Variants in FBN3 observed in about 807,000 individuals in gnomAD.
FBN3 encodes the protein fibrillin-3.
Under a neutral mutation model 330.1 loss-of-function variants are expected in FBN3, and 234 were observed. That is an observed-to-expected ratio of 0.71 (90% CI 0.64 to 0.79). The LOEUF (loss-of-function observed/expected upper bound fraction) is 0.79, where lower values mean the gene tolerates loss of function less well. Among genes scored for constraint, FBN3 ranks in the 30% least tolerant of loss-of-function variants. FBN3 has a pLI of 0.00. For missense variants in FBN3, 3,606 were observed against 3,886.9 expected (o/e 0.93, Z 1.92); for synonymous variants, 1,458 against 1,517.3 (o/e 0.96, Z 0.91).
At position 8,131,972 on chromosome 19, in the gene FBN3, G is replaced by A; in HGVS notation, c.1715-143C>T. 1.1e-6 allele frequency: 1 copy of A among 951,476 alleles called. No individual in the cohort carries two copies. Among genetic ancestry groups the A allele is most frequent in the Non-Finnish European group, 1.5e-6 (1 of 669,158 alleles). The allele number at this position is 951,476 out of a possible 1,614,324, so 58.9% of individuals were successfully genotyped here. A position where few individuals can be genotyped will look rare whatever the true frequency, so the allele number is the denominator to read the frequency against. On this transcript the variant is annotated intron_variant, in intron 14 of 63. Coordinates refer to ENST00000600128, the MANE Select transcript of FBN3 (RefSeq NM_032447.5). The surrounding 1 kb of genome is among the most constrained non-coding windows in gnomAD (Gnocchi z 4.5). Reference sequence around the variant, plus strand: ...TTGTCTTTCCAGTTTCCTGTTGTCTGTGTCTCTGTCCTCTCCTCCTCTTGT... The same window carrying A: ...TTGTCTTTCCAGTTTCCTGTTGTCTATGTCTCTGTCCTCTCCTCCTCTTGT...
At chr19:8,107,562 T>C (rs549962025) in intron 37 of FBN3, among the ~76,000 whole-genome samples, 2 of 141,614 alleles carry the variant, frequency 1.4e-5, no homozygotes, top group African/African-American at 5.3e-5. Flanking sequence ...GGTGGAAGGA[T>C]GGATGGATGG....
chr19:8,070,882 C>T (rs148916937), intron 63 of FBN3, among the ~76,000 whole-genome samples: 1,582 of 152,070 alleles, frequency 0.01, 12 homozygotes, highest in Non-Finnish European at 0.018. Flanking sequence ...ATTAGCTGGG[C>T]GTGGTGGTGC....
Position 8,129,056 on chromosome 19 carries a change from G to C in FBN3, c.2268C>G (p.His756Gln), listed in dbSNP as rs747625288. The change falls in exon 18 of 64, where the codon CAC becomes CAG. Residue 756 changes from histidine to glutamine, a missense_variant. By Grantham distance (24) the His-to-Gln change is conservative. Transcript: ENST00000600128. The surrounding 1 kb of genome is among the most constrained non-coding windows in gnomAD (Gnocchi z 4.5). ...SYSCSCPPGF[H>Q]FWQDTEICKD... is the part of the protein sequence containing the mutation. Reference sequence around the variant, plus strand: ...TGCAGATCTCCGTGTCCTGCCAGAAGTGGAAGCCGGGGGGGCAGGAGCAGC... The same window carrying C: ...TGCAGATCTCCGTGTCCTGCCAGAACTGGAAGCCGGGGGGGCAGGAGCAGC... The C allele has an allele frequency of 1.2e-6, 2 of 1,613,460 alleles. No individual in the cohort carries two copies. The highest frequency in any genetic ancestry group is 2.2e-5 in the South Asian group (2 of 90,968).
intron 25 of FBN3, among the ~76,000 whole-genome samples, chr19:8,119,545 G>A (rs915279878): frequency 2.6e-5 from 4 of 151,870 alleles, no homozygotes; most frequent in East Asian, 1.9e-4. Context: ...ATGGAGTCTC[G>A]CTCTGTTGCC....
intron 59 of FBN3, 129 bp downstream of exon 59, chr19:8,080,874 A>G: frequency 1.5e-6 from 1 of 658,596 alleles, no homozygotes; most frequent in Non-Finnish European, 2.7e-6. Context: ...CACCCGCTTC[A>G]GCTTTCCAAA....
chr19:8,129,346 C>T lies in FBN3; in HGVS notation c.2064G>A (p.Leu688=), dbSNP rs749910140. 6.2e-6 allele frequency: 10 copies of T among 1,614,118 alleles called. No individual in the cohort carries two copies. In the Admixed American group the frequency reaches 1.3e-4, roughly 22 times the overall value. ...CGCCATTGGCACAAACCTCAGGATC[C>T]AGAGCACACTCGTTGATGTCTGCGG... ...TDGRDINECA[L]DPEVCANGVC... Residue 688 remains leucine, a synonymous_variant, in exon 17 of 64, where the codon CTG becomes CTA. Transcript: ENST00000600128. The surrounding 1 kb of genome is among the most constrained non-coding windows in gnomAD (Gnocchi z 4.5).
In FBN3 at chr19:8,138,416, GC is replaced by G. The variant is rs1296438563; in HGVS notation, c.1013del (p.Gly338AlafsTer68). Reference sequence around the variant, plus strand: ...CAGGCTGCAGCTCTTACTCACTGGAGCCCCGAGGAGGACACAGCTCAGGGAC... The same window carrying G: ...CAGGCTGCAGCTCTTACTCACTGGAGCCCGAGGAGGACACAGCTCAGGGAC... ...GPVPELCPPR[G>X]SNEFQQLCAQ... On this transcript the variant is annotated frameshift_variant, in exon 9 of 64. Transcript: ENST00000600128. LOFTEE classifies it high-confidence loss of function. The G allele has an allele frequency of 1.2e-6, 2 of 1,610,940 alleles. No individual in the cohort carries two copies. Among genetic ancestry groups the G allele is most frequent in the African/African-American group, 2.7e-5 (2 of 74,900 alleles).
chr19:8,081,039 G>T lies in FBN3; in HGVS notation c.7417C>A (p.Pro2473Thr). The T allele has an allele frequency of 6.2e-7, 1 of 1,613,432 alleles. No homozygotes were observed. The change falls in exon 59 of 64, where the codon CCG becomes ACG. Residue 2473 changes from proline to threonine, a missense_variant. Pro to Thr is a conservative substitution (Grantham distance 38). Coordinates refer to ENST00000600128, the MANE Select transcript of FBN3 (RefSeq NM_032447.5). ...TGGTGGTGCTGGGTGAAGCCGGGCGGACAGCGGCAGGTGAAGGCGCCCACA... is the reference window on the plus strand; with the variant it reads ...TGGTGGTGCTGGGTGAAGCCGGGCGTACAGCGGCAGGTGAAGGCGCCCACA... ...NTVGAFTCRC[P>T]PGFTQHHQAC...
At chr19:8,074,568 A>G (rs2081595244) in intron 61 of FBN3, among the ~76,000 whole-genome samples, 1 of 151,668 alleles carries the variant, frequency 6.6e-6, no homozygotes, top group African/African-American at 2.4e-5. Flanking sequence ...ACTGCAGTGG[A>G]GGAATGAAAA....
chr19:8,144,772 C>T, intron 6 of FBN3, 105 bp downstream of exon 6: 2 of 844,012 alleles, frequency 2.4e-6, no homozygotes, highest in South Asian at 3.3e-5. Flanking sequence ...GGGAAGGAGG[C>T]CAGCTGGTTC....
In FBN3 at chr19:8,073,311, G is replaced by A. The variant is rs2145366630; in HGVS notation, c.7703-14C>T. ...ACTCATTCTCATCTGTGGGAGGAAA[G>A]GAGGAGGAGAGGGAGGACGCAGAGG... On this transcript the variant is annotated splice_polypyrimidine_tract_variant and intron_variant, in intron 61 of 63. Coordinates refer to ENST00000600128, the MANE Select transcript of FBN3 (RefSeq NM_032447.5). 1.2e-6 allele frequency: 2 copies of A among 1,605,928 alleles called. No individual in the cohort carries two copies. The highest frequency in any genetic ancestry group is 2.2e-5 in the East Asian group (1 of 44,770).
chr19:8,103,415 G>C (rs924849026), intron 39 of FBN3, 147 bp downstream of exon 39: 1 of 811,550 alleles, frequency 1.2e-6, no homozygotes, highest in African/African-American at 1.7e-5. Flanking sequence ...GGGCTCCTGA[G>C]TCCTGCAGCT....
intron 55 of FBN3, 41 bp downstream of exon 55, chr19:8,086,159 G>A: frequency 2.8e-6 from 4 of 1,437,458 alleles, no homozygotes; most frequent in Non-Finnish European, 3.8e-6. Flanking sequence ...GTGCCACATG[G>A]TAGGTGGTTG....
chr19:8,135,936 G>GGGGGGGGGGGCCCCCCCCCCCCC, intron 13 of FBN3, 25 bp downstream of exon 13: 2 of 668,752 alleles, frequency 3.0e-6, no homozygotes, highest in East Asian at 3.9e-5. Context: ...GGAAGCCCCT[G>GGGGGGGGGGGCCCCCCCCCCCCC]CCCACCCGCC....
chr19:8,074,900 G>C, intron 61 of FBN3, 171 bp downstream of exon 61: 3 of 782,870 alleles, frequency 3.8e-6, no homozygotes, highest in Middle Eastern at 4.0e-4. Context: ...TGCTTATTCT[G>C]CTGCACCTTG....
intron 49 of FBN3, 53 bp downstream of exon 49, chr19:8,090,046 G>A: frequency 6.2e-7 from 1 of 1,603,226 alleles, no homozygotes; most frequent in Non-Finnish European, 8.5e-7. Flanking sequence ...AAGAATGAGA[G>A]AGGAAGGTGA....
chr19:8,068,701 C>CAAATAAAT (rs1555721997), intron 63 of FBN3, among the ~76,000 whole-genome samples: 1 of 127,838 alleles, frequency 7.8e-6, no homozygotes, highest in Non-Finnish European at 1.8e-5. Flanking sequence ...GACCTTGTCT[C>CAAATAAAT]AAATAAATAA....
intron 26 of FBN3, 121 bp from the exon 27 acceptor site, chr19:8,117,710 C>G: frequency 8.9e-7 from 1 of 1,117,384 alleles, no homozygotes; most frequent in Non-Finnish European, 1.3e-6. Context: ...TGGCACAGCC[C>G]CGCATGTGCC....
chr19:8,133,202 T>A, intron 13 of FBN3, 96 bp from the exon 14 acceptor site: 1 of 1,396,976 alleles, frequency 7.2e-7, no homozygotes, highest in Non-Finnish European at 9.4e-7. Flanking sequence ...CCAGGATCCC[T>A]CCCTGGAGTG....
Sources: allele counts gnomAD v4.1 joint callset (sites outside exome capture counted in the v4.1 genomes callset), GRCh38; gene constraint gnomAD v4.1.1; non-coding constraint Gnocchi (gnomAD v3.1); transcripts MANE v1.5; gene names NCBI Gene and HGNC (gene_info 2026-07-23, HGNC 2026-07-21).